The following RASGRP3 variants were observed in gnomAD, a reference collection of about 807,000 sequenced individuals.
RASGRP3 encodes ras guanyl-releasing protein 3.
Under a neutral mutation model 82.7 loss-of-function variants are expected in RASGRP3, and 54 were observed. That is an observed-to-expected ratio of 0.65 (90% CI 0.52 to 0.82). RASGRP3 has a LOEUF of 0.82. Among genes scored for constraint, RASGRP3 ranks in the 40% least tolerant of loss-of-function variants. The pLI, the probability that RASGRP3 is intolerant of heterozygous loss-of-function variation, is 0.00. For synonymous variants in RASGRP3, 309 were observed against 300.5 expected (o/e 1.03, Z -0.29); for missense variants, 861 against 828.9 (o/e 1.04, Z -0.48).
chr2:33,437,899 C>A (rs1289088898), intron 1 of RASGRP3, among the ~76,000 whole-genome samples: 1 of 151,978 alleles, frequency 6.6e-6, no homozygotes, highest in Non-Finnish European at 1.5e-5. Context: ...AACAAACAAA[C>A]CCTCAGCATT....
At chr2:33,520,123 T>C (rs1671883447) in intron 5 of RASGRP3, 109 bp downstream of exon 5, 1 of 878,498 alleles carries the variant, frequency 1.1e-6, no homozygotes, top group Non-Finnish European at 1.8e-6. Context: ...TCTACTCTGA[T>C]ACCCCTCCCA....
At chr2:33,475,824 C>A (rs1295615183), upstream of RASGRP3, among the ~76,000 whole-genome samples, 1 of 152,172 alleles carries the variant, frequency 6.6e-6, no homozygotes, top group Non-Finnish European at 1.5e-5. Flanking sequence ...CTCCAAGTTC[C>A]CAGCACACCA....
intron 11 of RASGRP3, among the ~76,000 whole-genome samples, chr2:33,537,330 C>CA (rs149899270): frequency 0.027 from 2,624 of 95,578 alleles, 254 homozygotes; most frequent in African/African-American, 0.097. Context: ...ACCGCCCCCC[C>CA]CACACACACA....
intron 13 of RASGRP3, among the ~76,000 whole-genome samples, chr2:33,546,349 C>T (rs1234899441): frequency 1.1e-4 from 16 of 149,980 alleles, no homozygotes; most frequent in African/African-American, 2.7e-4. Flanking sequence ...CATGAACCCG[C>T]GAGGCGGAGC....
intron 1 of RASGRP3, among the ~76,000 whole-genome samples, chr2:33,504,720 T>G (rs1179932465): frequency 6.6e-6 from 1 of 152,222 alleles, no homozygotes; most frequent in Non-Finnish European, 1.5e-5. Flanking sequence ...CACATTCTCT[T>G]GCTTTTTAGA....
chr2:33,519,666 T>C (rs1160171718), intron 4 of RASGRP3, among the ~76,000 whole-genome samples: 2 of 152,240 alleles, frequency 1.3e-5, no homozygotes, highest in Non-Finnish European at 2.9e-5. Context: ...GCCAGACTAT[T>C]TGTAATTACA....
intron 2 of RASGRP3, among the ~76,000 whole-genome samples, chr2:33,451,042 C>T (rs981870465): frequency 1.3e-5 from 2 of 151,110 alleles, no homozygotes; most frequent in Non-Finnish European, 2.9e-5. Context: ...AGGGCTTCAC[C>T]GTATTAGCCA....
chr2:33,473,130 A>G (rs1174860220), upstream of RASGRP3, among the ~76,000 whole-genome samples: 1 of 152,138 alleles, frequency 6.6e-6, no homozygotes, highest in Admixed American at 6.5e-5. Flanking sequence ...TGGGAGGCCA[A>G]GGTGGGCAGA....
chr2:33,562,705 A>G (rs1207829360), intron 17 of RASGRP3, 24 bp from the exon 18 acceptor site: 1 of 1,612,272 alleles, frequency 6.2e-7, no homozygotes, highest in Non-Finnish European at 8.5e-7. Context: ...CCAGCCATGC[A>G]ATAGGTTCCA....
At chr2:33,506,748 C>T (rs1670415010) in intron 1 of RASGRP3, among the ~76,000 whole-genome samples, 1 of 152,190 alleles carries the variant, frequency 6.6e-6, no homozygotes, top group Non-Finnish European at 1.5e-5. Context: ...TTAAGTGTGG[C>T]TCCTTCCTAC....
chr2:33,527,433 T>C, intron 10 of RASGRP3, 21 bp downstream of exon 10: 1 of 1,595,818 alleles, frequency 6.3e-7, no homozygotes, highest in East Asian at 2.2e-5. Context: ...AGGAGCCAAG[T>C]TTGGGCTCAA....
chr2:33,447,213 A>C (rs1209751411), intron 1 of RASGRP3, among the ~76,000 whole-genome samples: 1 of 151,988 alleles, frequency 6.6e-6, no homozygotes, highest in Non-Finnish European at 1.5e-5. Context: ...GGTTGATTTC[A>C]CAAAACAGTG....
At chr2:33,559,507 GA>G (rs1436415460) in intron 17 of RASGRP3, 1 of 419,706 alleles carries the variant, frequency 2.4e-6, no homozygotes, top group African/African-American at 2.0e-5. Context: ...GTGAGAATCA[GA>G]GATACGAGGC....
chr2:33,450,796 T>TCTTTTTCTC, intron 2 of RASGRP3, among the ~76,000 whole-genome samples: 1 of 147,044 alleles, frequency 6.8e-6, no homozygotes, highest in African/African-American at 2.5e-5. Flanking sequence ...CTTTTTTCTT[T>TCTTTTTCTC]TCTTTCTTTT....
intron 1 of RASGRP3, among the ~76,000 whole-genome samples, chr2:33,500,791 G>A (rs541711108): frequency 1.7e-4 from 26 of 152,102 alleles, no homozygotes; most frequent in African/African-American, 3.1e-4. Flanking sequence ...AAAAGTAGCC[G>A]GACATGGTGG....
chr2:33,539,160 C>A lies in RASGRP3; in HGVS notation c.1228C>A (p.Pro410Thr). The change falls in exon 12 of 18, where the codon CCA (proline) becomes ACA (threonine). Residue 410 changes from proline (P) to threonine (T), a missense_variant. Pro to Thr is a conservative substitution (Grantham distance 38, BLOSUM62 -1). Coordinates refer to ENST00000403687, the MANE Select transcript of RASGRP3 (RefSeq NM_001139488.2). ...VPLEWALGVM[P>T]KPDPTVINKH... ...CCTGGAGTGGGCATTAGGGGTGATG[C>A]CAAAGCCAGACCCCACGGTCATCAA... 6.2e-7 allele frequency: 1 copy of A among 1,611,586 alleles called. No homozygotes were observed. Among genetic ancestry groups the A allele is most frequent in the Non-Finnish European group, 8.5e-7 (1 of 1,179,018 alleles).
At chr2:33,531,928 G>T (rs1673138799) in intron 10 of RASGRP3, 1 of 152,234 alleles carries the variant, frequency 6.6e-6, no homozygotes, top group Non-Finnish European at 1.5e-5. Context: ...AAGGGAACAT[G>T]CTCCTCCAAG....
intron 1 of RASGRP3, among the ~76,000 whole-genome samples, chr2:33,504,733 C>T (rs1211472177): frequency 6.6e-6 from 1 of 152,182 alleles, no homozygotes; most frequent in Non-Finnish European, 1.5e-5. Flanking sequence ...TTTTTAGAGG[C>T]TTTCCATGCA....
At chr2:33,555,975 T>C (rs896701355) in intron 15 of RASGRP3, among the ~76,000 whole-genome samples, 6 of 152,220 alleles carry the variant, frequency 3.9e-5, no homozygotes, top group African/African-American at 9.6e-5. Context: ...CTAAATCACA[T>C]AGATGGTGAC....
Sources: gnomAD v4.1 joint callset for allele counts (sites outside exome capture counted in the v4.1 genomes callset) on GRCh38, gnomAD v4.1.1 for gene constraint, MANE v1.5 for transcripts, NCBI Gene and HGNC (gene_info 2026-07-23, HGNC 2026-07-21) for gene names.